LINGO2: variants seen among roughly 807,000 people sequenced by gnomAD.
LINGO2 encodes leucine rich repeat and Ig domain containing 2.
LINGO2 carries 14 observed loss-of-function variants against 30.6 expected under a neutral mutation model. The observed-to-expected ratio is 0.46, with a 90% CI of 0.30 to 0.72. The LOEUF (loss-of-function observed/expected upper bound fraction) is 0.72, where lower values mean the gene tolerates loss of function less well. LINGO2 is among the 30% of genes least tolerant of loss of function. The pLI is 0.07. For synonymous variants in LINGO2, 317 were observed against 288.5 expected (o/e 1.10, Z -1.00); for missense variants, 729 against 751.7 (o/e 0.97, Z 0.35).
intron 3 of LINGO2, among the ~76,000 whole-genome samples, chr9:28,356,912 T>C (rs2134481330): frequency 7.0e-6 from 1 of 142,006 alleles, no homozygotes; most frequent in South Asian, 2.4e-4. Context: ...AGAACAGAAA[T>C]ATGGGGTAGG....
intron 4 of LINGO2, among the ~76,000 whole-genome samples, chr9:28,258,714 A>G (rs905295990): frequency 1.3e-5 from 2 of 151,970 alleles, no homozygotes; most frequent in South Asian, 4.1e-4. Flanking sequence ...TGTGAACTAC[A>G]ACACGGAACA....
intron 3 of LINGO2, among the ~76,000 whole-genome samples, chr9:28,301,108 T>G (rs1044581899): frequency 5.9e-5 from 9 of 152,112 alleles, no homozygotes; most frequent in Non-Finnish European, 1.3e-4. Context: ...TAAATGTAAA[T>G]ATAGTGTGGC....
chr9:27,940,518 C>T, the LINGO2 span: 1 of 152,150 alleles, frequency 6.6e-6, no homozygotes, highest in Non-Finnish European at 1.5e-5. Flanking sequence ...CATTAATCTT[C>T]ATGTCCTGTG....
chr9:28,420,996 T>A (rs1823171219), intron 2 of LINGO2, among the ~76,000 whole-genome samples: 1 of 152,028 alleles, frequency 6.6e-6, no homozygotes, highest in African/African-American at 2.4e-5. Context: ...ATAATATAGT[T>A]GGTGATTGTA....
At chr9:28,003,339 A>C in intron 5 of LINGO2, among the ~76,000 whole-genome samples, 1 of 114,034 alleles carries the variant, frequency 8.8e-6, no homozygotes, top group South Asian at 2.9e-4. Context: ...AGATATATAG[A>C]TATATAGATA....
At chr9:28,720,036 C>G in the LINGO2 span, among the ~76,000 whole-genome samples, 12 of 151,956 alleles carry the variant, frequency 7.9e-5, no homozygotes, top group East Asian at 5.8e-4. Flanking sequence ...GTTGGTTTTT[C>G]CCATTCCAAA....
At chr9:28,444,262 T>C (rs1824320185) in intron 2 of LINGO2, among the ~76,000 whole-genome samples, 1 of 152,146 alleles carries the variant, frequency 6.6e-6, no homozygotes, top group Non-Finnish European at 1.5e-5. Flanking sequence ...TCTTAGACTG[T>C]GGGAGTGAAG....
intron 4 of LINGO2, among the ~76,000 whole-genome samples, chr9:28,065,144 G>C (rs1476387206): frequency 2.6e-5 from 4 of 151,626 alleles, no homozygotes; most frequent in Admixed American, 1.3e-4. Context: ...GCTTGCTTTG[G>C]AGTGGGATTG....
intron 4 of LINGO2, among the ~76,000 whole-genome samples, chr9:28,208,285 C>T (rs776186045): frequency 6.6e-6 from 1 of 152,018 alleles, no homozygotes; most frequent in Non-Finnish European, 1.5e-5. Flanking sequence ...CTAACTGCTG[C>T]CTGTGGGGTG....
the LINGO2 span, among the ~76,000 whole-genome samples, chr9:28,885,432 T>C: frequency 7.0e-6 from 1 of 142,272 alleles, no homozygotes; most frequent in African/African-American, 2.5e-5. Flanking sequence ...CACACACATA[T>C]ACATATATAT....
chr9:29,101,352 C>G, the LINGO2 span, among the ~76,000 whole-genome samples: 1 of 152,106 alleles, frequency 6.6e-6, no homozygotes, highest in African/African-American at 2.4e-5. Flanking sequence ...TAGGGTAAAT[C>G]TATGGAAAGA....
At chr9:28,884,996 TTATATATA>T in the LINGO2 span, among the ~76,000 whole-genome samples, 2 of 15,898 alleles carry the variant, frequency 1.3e-4, 1 homozygote, top group Admixed American at 1.6e-3. Context: ...TAATAATATA[TTATATATA>T]TATATATATA....
intron 4 of LINGO2, among the ~76,000 whole-genome samples, chr9:28,113,405 GT>G (rs1214896430): frequency 1.3e-5 from 1 of 76,772 alleles, no homozygotes; most frequent in Admixed American, 1.8e-4. Context: ...CTCTTTTTTG[GT>G]TCCATATGAA....
chr9:28,703,152 CT>C, the LINGO2 span, among the ~76,000 whole-genome samples: 1 of 151,206 alleles, frequency 6.6e-6, no homozygotes, highest in Non-Finnish European at 1.5e-5. Flanking sequence ...TTCTTTTCTT[CT>C]GCTTACTTTG....
intron 3 of LINGO2, among the ~76,000 whole-genome samples, chr9:28,338,822 G>A (rs940800908): frequency 1.3e-5 from 2 of 152,094 alleles, no homozygotes; most frequent in African/African-American, 2.4e-5. Context: ...TGAACTGTGA[G>A]TCAATTAAAC....
rs897403707 is a variant in LINGO2 at position 27,997,279 on chromosome 9, C to T, written c.-36+15076G>A. ...GAAAGACTTAAGATGTGCACGTGCT[C>T]ATTAATTGAGGGTCAAGCTGTTCTT... On this transcript the variant is annotated intron_variant, in intron 5 of 5. Transcript: ENST00000379992. Among the ~76,000 whole-genome samples the T allele has an allele frequency of 2.0e-5, 3 of 152,162 alleles. No individual in the cohort carries two copies. The East Asian group carries it at 5.8e-4, about 29-fold the overall frequency.
intron 4 of LINGO2, among the ~76,000 whole-genome samples, chr9:28,061,373 C>T (rs1031622752): frequency 1.2e-4 from 18 of 151,594 alleles, no homozygotes; most frequent in African/African-American, 3.6e-4. Flanking sequence ...AACATAACTA[C>T]GCCTCAGTGG....
At chr9:28,990,230 G>T in the LINGO2 span, among the ~76,000 whole-genome samples, 1 of 152,202 alleles carries the variant, frequency 6.6e-6, no homozygotes, top group East Asian at 1.9e-4. Context: ...AGGGTCCTAC[G>T]CCCACGGAGT....
intron 5 of LINGO2, among the ~76,000 whole-genome samples, chr9:28,011,222 T>C (rs780699578): frequency 6.6e-5 from 10 of 152,308 alleles, no homozygotes; most frequent in Non-Finnish European, 1.2e-4. Context: ...GCTGAATTTC[T>C]GTGACACGAC....
Sources: allele counts gnomAD v4.1 joint callset (sites outside exome capture counted in the v4.1 genomes callset), GRCh38; gene constraint gnomAD v4.1.1; transcripts MANE v1.5; gene names NCBI Gene and HGNC (gene_info 2026-07-23, HGNC 2026-07-21).